The following KHDRBS2 variants were observed in gnomAD, a reference collection of about 807,000 sequenced individuals.
KHDRBS2 encodes KH RNA binding domain containing, signal transduction associated 2, also known as KH domain-containing, RNA-binding, signal transduction-associated protein 2.
KHDRBS2 carries 26 observed loss-of-function variants against 44.3 expected under a neutral mutation model. The ratio of observed to expected loss-of-function variants is 0.59; its 90% confidence interval spans 0.43 to 0.81. The LOEUF is 0.81. KHDRBS2 is among the 40% of genes least tolerant of loss of function. The pLI is 0.00. For missense variants in KHDRBS2, 476 were observed against 433.1 expected, an observed-to-expected ratio of 1.10 and a Z score of -0.88; for synonymous variants, 194 against 151.1, an observed-to-expected ratio of 1.28 and a Z score of -2.08.
chr6:62,029,887 A>G (rs1176480323), intron 3 of KHDRBS2, among the ~76,000 whole-genome samples: 1 of 152,096 alleles, frequency 6.6e-6, no homozygotes, highest in East Asian at 1.9e-4. Flanking sequence ...GTGAATGTGC[A>G]CATGTAGATA....
At chr6:61,754,838 T>C (rs1180580318) in intron 6 of KHDRBS2, among the ~76,000 whole-genome samples, 1 of 152,142 alleles carries the variant, frequency 6.6e-6, no homozygotes, top group Non-Finnish European at 1.5e-5. Context: ...AAGGTTAGTG[T>C]AAGGTGTTGC....
intron 3 of KHDRBS2, among the ~76,000 whole-genome samples, chr6:62,026,387 CTTCT>C (rs1467715079): frequency 6.7e-6 from 1 of 149,200 alleles, no homozygotes; most frequent in East Asian, 2.0e-4. Flanking sequence ...TCTTTCTTTC[CTTCT>C]TTAACTAATT....
chr6:61,766,718 C>G (rs186521766), intron 6 of KHDRBS2, among the ~76,000 whole-genome samples: 71 of 152,134 alleles, frequency 4.7e-4, no homozygotes, highest in African/African-American at 1.6e-3. Context: ...CTTCATTGAA[C>G]CACCGGTCAT....
At chr6:62,205,196 A>G (rs544970393) in intron 1 of KHDRBS2, among the ~76,000 whole-genome samples, 1 of 152,216 alleles carries the variant, frequency 6.6e-6, no homozygotes, top group East Asian at 1.9e-4. Flanking sequence ...ACAAATGCTA[A>G]TACTCTGGCT....
intron 2 of KHDRBS2, among the ~76,000 whole-genome samples, chr6:62,149,657 A>T (rs1441726713): frequency 8.1e-6 from 1 of 122,804 alleles, no homozygotes; most frequent in Non-Finnish European, 2.0e-5. Context: ...TATGAGAATT[A>T]ACTGATATAA....
chr6:62,057,176 A>C (rs915665497), intron 2 of KHDRBS2, among the ~76,000 whole-genome samples: 3 of 151,974 alleles, frequency 2.0e-5, no homozygotes, highest in Admixed American at 6.6e-5. Context: ...AATTTATAAA[A>C]GTACAATCTA....
chr6:61,558,605 G>T, the KHDRBS2 span, among the ~76,000 whole-genome samples: 1 of 152,080 alleles, frequency 6.6e-6, no homozygotes, highest in East Asian at 1.9e-4. Flanking sequence ...ATAGGTTTTA[G>T]TATGTTGTGT....
At chr6:61,774,410 C>T (rs184110205) in intron 6 of KHDRBS2, among the ~76,000 whole-genome samples, 290 of 151,994 alleles carry the variant, frequency 1.9e-3, no homozygotes, top group Non-Finnish European at 3.3e-3. Flanking sequence ...TTGTCTCAGC[C>T]CATAATCTCC....
At chr6:61,902,667 G>A (rs760974568) in intron 4 of KHDRBS2, among the ~76,000 whole-genome samples, 6 of 152,064 alleles carry the variant, frequency 3.9e-5, no homozygotes, top group Non-Finnish European at 7.4e-5. Flanking sequence ...TGAAGAGAGG[G>A]GTCCAGGAGT....
At chr6:62,197,823 C>T (rs570748726) in intron 1 of KHDRBS2, among the ~76,000 whole-genome samples, 2 of 152,220 alleles carry the variant, frequency 1.3e-5, no homozygotes, top group East Asian at 3.9e-4. Context: ...CCAAAATTGA[C>T]CACATAGTTG....
chr6:61,742,462 TG>T, intron 6 of KHDRBS2, among the ~76,000 whole-genome samples: 1 of 152,218 alleles, frequency 6.6e-6, no homozygotes, highest in East Asian at 1.9e-4. Flanking sequence ...CTCTTGACTA[TG>T]GGTTACTTAT....
chr6:61,820,339 C>T (rs1174132425), intron 6 of KHDRBS2, among the ~76,000 whole-genome samples: 2 of 151,902 alleles, frequency 1.3e-5, no homozygotes, highest in Non-Finnish European at 2.9e-5. Context: ...ACCAAAATCA[C>T]TTCTTGATGG....
intron 6 of KHDRBS2, among the ~76,000 whole-genome samples, chr6:61,836,613 T>C (rs1399485919): frequency 6.6e-6 from 1 of 152,074 alleles, no homozygotes; most frequent in Non-Finnish European, 1.5e-5. Flanking sequence ...TAATTTGTAT[T>C]CAGACATCAG....
At chr6:61,752,180 G>C (rs1397167915) in intron 6 of KHDRBS2, among the ~76,000 whole-genome samples, 2 of 152,300 alleles carry the variant, frequency 1.3e-5, no homozygotes, top group East Asian at 3.9e-4. Context: ...GGGGTGGAAA[G>C]GCACTGAGAA....
chr6:62,002,130 A>T (rs559710569), intron 3 of KHDRBS2, among the ~76,000 whole-genome samples: 2 of 152,000 alleles, frequency 1.3e-5, no homozygotes, highest in Admixed American at 1.3e-4. Context: ...GAAACCATTC[A>T]ATTTTGACAT....
intron 3 of KHDRBS2, among the ~76,000 whole-genome samples, chr6:62,039,069 A>G (rs1170326164): frequency 2.0e-5 from 3 of 152,076 alleles, no homozygotes; most frequent in African/African-American, 7.2e-5. Context: ...CAAAGCAAAG[A>G]TAGAATCCAG....
At chr6:62,087,369 T>A (rs1240747040) in intron 2 of KHDRBS2, among the ~76,000 whole-genome samples, 1 of 151,834 alleles carries the variant, frequency 6.6e-6, no homozygotes, top group African/African-American at 2.4e-5. Flanking sequence ...AAATTAGATT[T>A]TAAAACTAAG....
At chr6:62,078,309 T>C (rs889080004) in intron 2 of KHDRBS2, among the ~76,000 whole-genome samples, 1 of 151,944 alleles carries the variant, frequency 6.6e-6, no homozygotes, top group Non-Finnish European at 1.5e-5. Context: ...TAATTGTGGG[T>C]TTTTTGGTGT....
chr6:61,709,823 A>G (rs1028377737), intron 7 of KHDRBS2, among the ~76,000 whole-genome samples: 2 of 151,692 alleles, frequency 1.3e-5, no homozygotes, highest in East Asian at 1.9e-4. Flanking sequence ...TGAAATGGAC[A>G]TAATTTTAAC....
Sources: gnomAD v4.1 joint callset for allele counts (sites outside exome capture counted in the v4.1 genomes callset) on GRCh38, gnomAD v4.1.1 for gene constraint, MANE v1.5 for transcripts, NCBI Gene and HGNC (gene_info 2026-07-23, HGNC 2026-07-21) for gene names.